Variants in TAFA1 observed in about 807,000 individuals in gnomAD.
The protein encoded by TAFA1 is TAFA chemokine like family member 1, also known as chemokine-like protein TAFA-1.
A neutral mutation model predicts 18.5 loss-of-function variants in TAFA1; 4 were observed. That is an observed-to-expected ratio of 0.22 (90% CI 0.11 to 0.49). TAFA1 has a LOEUF of 0.49. Among genes scored for constraint, TAFA1 ranks in the 20% least tolerant of loss-of-function variants. The pLI, the probability that TAFA1 is intolerant of heterozygous loss-of-function variation, is 0.98. For missense variants in TAFA1, 147 were observed against 169.0 expected (o/e 0.87, Z 0.72); for synonymous variants, 56 against 55.2 (o/e 1.01, Z -0.06).
intron 2 of TAFA1, among the ~76,000 whole-genome samples, chr3:68,373,682 G>A (rs1575814179): frequency 6.6e-6 from 1 of 152,150 alleles, no homozygotes; most frequent in African/African-American, 2.4e-5. Context: ...TGATGTCAGA[G>A]CTACCATAAA....
chr3:68,453,875 C>T (rs537465506), intron 3 of TAFA1, among the ~76,000 whole-genome samples: 18 of 152,096 alleles, frequency 1.2e-4, no homozygotes, highest in Admixed American at 2.0e-4. Flanking sequence ...GATAAAGATG[C>T]AGTAACTTCT....
intron 2 of TAFA1, among the ~76,000 whole-genome samples, chr3:68,329,097 T>G (rs1199298013): frequency 6.6e-6 from 1 of 151,602 alleles, no homozygotes; most frequent in Non-Finnish European, 1.5e-5. Flanking sequence ...TTGTTTTTTT[T>G]TTTTTGGGAC....
intron 2 of TAFA1, among the ~76,000 whole-genome samples, chr3:68,333,338 A>G (rs1575784297): frequency 6.6e-6 from 1 of 152,222 alleles, no homozygotes; most frequent in South Asian, 2.1e-4. Flanking sequence ...CTTTGCAGCA[A>G]TGTGGATGAA....
At chr3:68,301,094 T>G (rs2068296318) in intron 2 of TAFA1, among the ~76,000 whole-genome samples, 1 of 152,172 alleles carries the variant, frequency 6.6e-6, no homozygotes. Context: ...TTCACATGGT[T>G]TTAAAAAACA....
chr3:68,456,082 T>G (rs1225242073), intron 3 of TAFA1, among the ~76,000 whole-genome samples: 1 of 152,122 alleles, frequency 6.6e-6, no homozygotes, highest in Non-Finnish European at 1.5e-5. Flanking sequence ...TAAAAGGCAA[T>G]TATTTACTAG....
intron 2 of TAFA1, among the ~76,000 whole-genome samples, chr3:68,012,152 T>C (rs1166319081): frequency 6.6e-6 from 1 of 152,216 alleles, no homozygotes; most frequent in Non-Finnish European, 1.5e-5. Context: ...AAAGCTTAAC[T>C]GGATAAATCG....
At chr3:68,053,909 T>C (rs74575934) in intron 2 of TAFA1, among the ~76,000 whole-genome samples, 3,473 of 152,162 alleles carry the variant, frequency 0.023, 43 homozygotes, top group Middle Eastern at 0.037. Context: ...CTTACTATAT[T>C]GCCCAGGCTG....
At chr3:68,048,415 G>T (rs141080383) in intron 2 of TAFA1, among the ~76,000 whole-genome samples, 2 of 151,728 alleles carry the variant, frequency 1.3e-5, no homozygotes, top group African/African-American at 2.4e-5. Context: ...GATAAATGAG[G>T]CATCTATCAC....
At chr3:67,999,278 C>CTCTCT (rs1172758836), upstream of TAFA1, among the ~76,000 whole-genome samples, 18 of 61,778 alleles carry the variant, frequency 2.9e-4, no homozygotes, top group South Asian at 8.2e-4. Context: ...CCCCCCCCCC[C>CTCTCT]CCCTCTCTCT....
intron 2 of TAFA1, among the ~76,000 whole-genome samples, chr3:68,044,480 C>T (rs1705228316): frequency 6.6e-6 from 1 of 152,138 alleles, no homozygotes; most frequent in African/African-American, 2.4e-5. Context: ...ATAATCCTGC[C>T]TCCAGTCACC....
chr3:68,247,029 A>G (rs1178503835), intron 2 of TAFA1: 1 of 152,152 alleles, frequency 6.6e-6, no homozygotes, highest in Non-Finnish European at 1.5e-5. Flanking sequence ...AAATGACTAC[A>G]TATAATAATC....
At chr3:68,144,103 T>C (rs1048590852) in intron 2 of TAFA1, among the ~76,000 whole-genome samples, 1 of 151,806 alleles carries the variant, frequency 6.6e-6, no homozygotes, top group Non-Finnish European at 1.5e-5. Context: ...CGTGGGAAAA[T>C]AACTTTCTGT....
chr3:68,205,256 T>C (rs17827503), intron 2 of TAFA1, among the ~76,000 whole-genome samples: 14,803 of 151,908 alleles, frequency 0.097, 1,042 homozygotes, highest in Admixed American at 0.2. Flanking sequence ...GATAAACCCA[T>C]TGGAAATCAT....
intron 1 of TAFA1, 159 bp from the exon 2 acceptor site, chr3:68,006,465 A>C: frequency 1.7e-6 from 1 of 590,762 alleles, no homozygotes; most frequent in Admixed American, 2.8e-5. Flanking sequence ...CTTTCTCTCA[A>C]TCCCACTTCA....
At chr3:68,419,708 T>G (rs2070917581) in intron 3 of TAFA1, among the ~76,000 whole-genome samples, 1 of 152,130 alleles carries the variant, frequency 6.6e-6, no homozygotes, top group African/African-American at 2.4e-5. Context: ...TAGATATAGA[T>G]AAGGAAGGAC....
chr3:68,082,186 C>T (rs947337275), intron 2 of TAFA1, among the ~76,000 whole-genome samples: 9 of 143,558 alleles, frequency 6.3e-5, no homozygotes, highest in East Asian at 5.8e-4. Flanking sequence ...GCATGGTGTG[C>T]GCACCCACTG....
chr3:68,326,608 TC>T (rs145883187), intron 2 of TAFA1, among the ~76,000 whole-genome samples: 1,556 of 152,320 alleles, frequency 0.01, 22 homozygotes, highest in African/African-American at 0.036. Flanking sequence ...TGTGGCCATT[TC>T]ATTATCAGAA....
intron 2 of TAFA1, among the ~76,000 whole-genome samples, chr3:68,050,704 T>C (rs1488268453): frequency 6.6e-6 from 1 of 152,190 alleles, no homozygotes; most frequent in Admixed American, 6.6e-5. Context: ...TTTCAGCTTC[T>C]AAAGCAAGGG....
At chr3:68,330,687 C>T (rs1235948294) in intron 2 of TAFA1, among the ~76,000 whole-genome samples, 1 of 152,142 alleles carries the variant, frequency 6.6e-6, no homozygotes, top group Non-Finnish European at 1.5e-5. Flanking sequence ...GGTGGTAGAA[C>T]TGGGATTGGA....
Sources: gnomAD v4.1 joint callset for allele counts (sites outside exome capture counted in the v4.1 genomes callset) on GRCh38, gnomAD v4.1.1 for gene constraint, MANE v1.5 for transcripts, NCBI Gene and HGNC (gene_info 2026-07-23, HGNC 2026-07-21) for gene names.